MAPK14: variants seen among roughly 807,000 people sequenced by gnomAD.
The protein encoded by MAPK14 is mitogen-activated protein kinase 14, also known as CSAID-binding protein.
Under a neutral mutation model 49.6 loss-of-function variants are expected in MAPK14, and 16 were observed. The observed-to-expected ratio is 0.32, with a 90% CI of 0.22 to 0.49. The LOEUF is 0.49. Among genes scored for constraint, MAPK14 ranks in the 20% least tolerant of loss-of-function variants. MAPK14 has a pLI of 0.99. For missense variants in MAPK14, 200 were observed against 441.2 expected (o/e 0.45, Z 4.90); for synonymous variants, 142 against 158.0 (o/e 0.90, Z 0.76).
intron 8 of MAPK14, among the ~76,000 whole-genome samples, chr6:36,090,657 G>A (rs535556348): frequency 2.0e-5 from 3 of 152,022 alleles, no homozygotes; most frequent in African/African-American, 4.8e-5. Flanking sequence ...CTCCCGAGTA[G>A]CTGGGATTAC....
At chr6:36,087,824 C>T (rs1052511260) in intron 8 of MAPK14, among the ~76,000 whole-genome samples, 1 of 152,100 alleles carries the variant, frequency 6.6e-6, no homozygotes, top group African/African-American at 2.4e-5. Context: ...GTCCATATAG[C>T]CCAAACAATT....
intron 1 of MAPK14, among the ~76,000 whole-genome samples, chr6:36,036,915 A>G (rs1282953015): frequency 1.3e-5 from 2 of 151,900 alleles, no homozygotes; most frequent in African/African-American, 4.8e-5. Flanking sequence ...CAATTTTTGT[A>G]TTTTTAATAG....
chr6:36,085,549 C>G (rs1297843278), intron 8 of MAPK14, among the ~76,000 whole-genome samples: 1 of 152,040 alleles, frequency 6.6e-6, no homozygotes, highest in Non-Finnish European at 1.5e-5. Flanking sequence ...AGACTTTGAA[C>G]CAGCAAATAT....
intron 8 of MAPK14, among the ~76,000 whole-genome samples, chr6:36,078,483 G>T (rs1220030819): frequency 6.6e-6 from 1 of 152,170 alleles, no homozygotes; most frequent in Non-Finnish European, 1.5e-5. Context: ...TGTGAGTCTT[G>T]TACCTTTGTG....
chr6:36,052,736 G>C lies in MAPK14; in HGVS notation c.154G>C (p.Val52Leu). 1 of 1,612,198 alleles carries C rather than the reference G, an allele frequency of 6.2e-7. No homozygotes were observed. Among genetic ancestry groups the C allele is most frequent in the African/African-American group, 1.3e-5 (1 of 74,920 alleles). Reference protein sequence around the residue: ...FDTKTGLRVAVKKLSRPFQSI... With the variant: ...FDTKTGLRVALKKLSRPFQSI... The stretch of plus-strand genomic sequence containing the variant: ...CACAAAAACGGGGTTACGTGTGGCA[G>C]TGAAGAAGCTCTCCAGACCATTTCA... Residue 52 changes from valine (V) to leucine (L), a missense_variant, in exon 2 of 12, where the codon GTG becomes CTG. By Grantham distance (32) the Val-to-Leu change is conservative. Around this residue, in one of 2 missense-constraint regions of MAPK14, gnomAD observed 170 missense variants for 407.0 expected, o/e 0.42. Coordinates refer to ENST00000229794, the MANE Select transcript of MAPK14 (RefSeq NM_139012.3).
At chr6:36,065,131 A>C (rs528567192) in intron 3 of MAPK14, among the ~76,000 whole-genome samples, 1 of 152,228 alleles carries the variant, frequency 6.6e-6, no homozygotes, top group Non-Finnish European at 1.5e-5. Context: ...TCTAACTGAA[A>C]TAGTACCCCT....
chr6:36,102,877 C>A, intron 10 of MAPK14: 1 of 236,760 alleles, frequency 4.2e-6, no homozygotes, highest in Non-Finnish European at 6.9e-6. Context: ...GGGGAATGGG[C>A]AGGTACAGTG....
At chr6:36,074,198 A>C (rs375619343) in intron 6 of MAPK14, 102 bp downstream of exon 6, 7 of 742,776 alleles carry the variant, frequency 9.4e-6, no homozygotes, top group Non-Finnish European at 1.6e-5. Flanking sequence ...AGCCATGACT[A>C]TCTGAAATTC....
At chr6:36,055,876 T>C (rs963412405) in intron 2 of MAPK14, among the ~76,000 whole-genome samples, 2 of 152,156 alleles carry the variant, frequency 1.3e-5, no homozygotes, top group Admixed American at 6.5e-5. Flanking sequence ...ATTTTCCTTA[T>C]GATTAATATT....
intron 8 of MAPK14, among the ~76,000 whole-genome samples, chr6:36,094,451 C>T (rs893132170): frequency 6.6e-6 from 1 of 152,162 alleles, no homozygotes; most frequent in Non-Finnish European, 1.5e-5. Context: ...ATAAAACAGG[C>T]AGAGCCTGGG....
At chr6:36,116,227 T>TA (rs1766058419), downstream of MAPK14, among the ~76,000 whole-genome samples, 1 of 152,238 alleles carries the variant, frequency 6.6e-6, no homozygotes, top group Non-Finnish European at 1.5e-5. Flanking sequence ...TGCGTACTGA[T>TA]ACAGTTGTGT....
chr6:36,075,916 C>G lies in MAPK14; in HGVS notation c.564C>G (p.Tyr188Ter). 6.2e-7 allele frequency: 1 copy of G among 1,614,016 alleles called. No homozygotes were observed. Among genetic ancestry groups the G allele is most frequent in the Non-Finnish European group, 8.5e-7 (1 of 1,180,018 alleles). The change falls in exon 7 of 12, where the codon TAC becomes TAG. Residue 188 changes from tyrosine to a stop codon, truncating the protein, a stop_gained. Transcript: ENST00000229794. LOFTEE classifies it high-confidence loss of function. ...EMTGYVATRW[Y>*]RAPEIMLNWM... ...CAGGCTACGTGGCCACTAGGTGGTA[C>G]AGGGCTCCTGAGATCATGCTGAACT...
At chr6:36,085,820 T>C (rs1764959880) in intron 8 of MAPK14, among the ~76,000 whole-genome samples, 1 of 152,154 alleles carries the variant, frequency 6.6e-6, no homozygotes, top group South Asian at 2.1e-4. Context: ...GATAGATAGC[T>C]ACAGAACTCT....
At chr6:36,096,531 C>T (rs930783092) in intron 9 of MAPK14, 2 of 154,780 alleles carry the variant, frequency 1.3e-5, no homozygotes, top group African/African-American at 2.4e-5. Flanking sequence ...ATAAAATGTA[C>T]ATTGTCTGCA....
Position 36,111,080 on chromosome 6 carries a change from G to T in MAPK14, c.*2633G>T, listed in dbSNP as rs1765961082. On this transcript the variant is annotated 3_prime_UTR_variant, in exon 12 of 12. Transcript: ENST00000229794. ...GACTGTGGCCTGAGGGCCAAATCTG[G>T]CCCACCACCTGTTTGGTGTAGCCTG... 6.6e-6 allele frequency: 1 copy of T among 152,164 alleles called. No individual in the cohort carries two copies. The highest frequency in any genetic ancestry group is 1.5e-5 in the Non-Finnish European group (1 of 68,034). 9.4% of individuals were successfully genotyped at this position (152,164 alleles called of 1,614,324 possible). A position where few individuals can be genotyped will look rare whatever the true frequency, so the allele number is the denominator to read the frequency against.
the MAPK14 span, among the ~76,000 whole-genome samples, chr6:36,124,118 T>TCCCC: frequency 2.6e-5 from 1 of 38,614 alleles, no homozygotes; most frequent in Non-Finnish European, 6.3e-5. Context: ...TCTCTCTCTC[T>TCCCC]CCTCCCTCCC....
intron 3 of MAPK14, among the ~76,000 whole-genome samples, chr6:36,066,494 G>A (rs1317189373): frequency 6.6e-6 from 1 of 151,972 alleles, no homozygotes; most frequent in Non-Finnish European, 1.5e-5. Flanking sequence ...CAACTTACAG[G>A]GTGCTGCATG....
intron 8 of MAPK14, chr6:36,092,103 G>T: frequency 2.0e-6 from 1 of 512,064 alleles, no homozygotes; most frequent in South Asian, 1.4e-5. Flanking sequence ...CGAGAGCATC[G>T]AGTCCCTGCA....
At chr6:36,104,294 T>C (rs901165311) in intron 10 of MAPK14, among the ~76,000 whole-genome samples, 1 of 152,118 alleles carries the variant, frequency 6.6e-6, no homozygotes, top group Non-Finnish European at 1.5e-5. Flanking sequence ...CTTTGTGTGA[T>C]TTATTTGAGC....
Sources: gnomAD v4.1 joint callset for allele counts (sites outside exome capture counted in the v4.1 genomes callset) on GRCh38, gnomAD v4.1.1 for gene constraint, gnomAD v4.1.1 regional missense constraint, MANE v1.5 for transcripts, NCBI Gene and HGNC (gene_info 2026-07-23, HGNC 2026-07-21) for gene names.